The following DACH1 variants were observed in gnomAD, a reference collection of about 807,000 sequenced individuals.
The protein encoded by DACH1 is dachshund homolog 1.
Under a neutral mutation model 54.2 loss-of-function variants are expected in DACH1, and 12 were observed. The ratio of observed to expected loss-of-function variants is 0.22; its 90% confidence interval spans 0.14 to 0.36. DACH1 has a LOEUF of 0.36. Ranked by LOEUF, DACH1 falls within the 10% of genes least tolerant of loss-of-function variation. DACH1 has a pLI of 1.00. For missense variants in DACH1, 805 were observed against 929.8 expected, an observed-to-expected ratio of 0.87 and a Z score of 1.75; for synonymous variants, 386 against 366.2, an observed-to-expected ratio of 1.05 and a Z score of -0.62.
chr13:71,459,506 CT>C (rs560788291), intron 10 of DACH1, among the ~76,000 whole-genome samples: 2 of 151,846 alleles, frequency 1.3e-5, no homozygotes, highest in African/African-American at 4.8e-5. Flanking sequence ...ACATCCAGAA[CT>C]TTTTTTATGG....
chr13:71,862,000 T>A (rs1328337630), intron 1 of DACH1, among the ~76,000 whole-genome samples: 1 of 150,936 alleles, frequency 6.6e-6, no homozygotes, highest in Non-Finnish European at 1.5e-5. Flanking sequence ...TACTGAAACA[T>A]AAAACACTTT....
At chr13:71,785,703 T>A (rs1006545486) in intron 1 of DACH1, among the ~76,000 whole-genome samples, 3 of 152,218 alleles carry the variant, frequency 2.0e-5, no homozygotes, top group Non-Finnish European at 4.4e-5. Context: ...GAGCATATGG[T>A]CAGAGCTAAA....
chr13:71,866,417 C>T lies in DACH1; in HGVS notation c.353G>A (p.Gly118Asp), dbSNP rs1593668277. The change falls in exon 1 of 11, where the codon GGC becomes GAC. Residue 118 changes from glycine to aspartate, a missense_variant. Gly to Asp is a moderately conservative substitution (Grantham distance 94). Transcript: ENST00000613252. ...GCCGCCAGCGCTGATGCCGCCGCCG[C>T]CGCCGCCGCTGCCGTTGCTCGCGGC... ...LAAASNGSGG[G>D]GGGISAGGGV... The T allele has an allele frequency of 7.0e-7, 1 of 1,429,304 alleles. No homozygotes were observed. The highest frequency in any genetic ancestry group is 9.2e-7 in the Non-Finnish European group (1 of 1,086,082). The allele number at this position is 1,429,304 out of a possible 1,614,324, so 88.5% of individuals were successfully genotyped here. A position where few individuals can be genotyped will look rare whatever the true frequency, so the allele number is the denominator to read the frequency against.
intron 10 of DACH1, among the ~76,000 whole-genome samples, chr13:71,459,318 T>C (rs1430047265): frequency 6.6e-6 from 1 of 151,962 alleles, no homozygotes; most frequent in Non-Finnish European, 1.5e-5. Flanking sequence ...GATAGCAGTC[T>C]GGAAGCCATA....
At chr13:71,641,466 C>T (rs1877893521) in intron 2 of DACH1, among the ~76,000 whole-genome samples, 1 of 152,098 alleles carries the variant, frequency 6.6e-6, no homozygotes, top group Non-Finnish European at 1.5e-5. Flanking sequence ...TAAGCTCCAT[C>T]ATCAACCTAC....
intron 1 of DACH1, among the ~76,000 whole-genome samples, chr13:71,819,668 G>A (rs1282431974): frequency 6.6e-6 from 1 of 152,088 alleles, no homozygotes; most frequent in Non-Finnish European, 1.5e-5. Flanking sequence ...CAGAAAAAGA[G>A]CAAATTGAAG....
At chr13:71,481,238 A>C (rs1416183073) in intron 7 of DACH1, among the ~76,000 whole-genome samples, 4 of 152,232 alleles carry the variant, frequency 2.6e-5, no homozygotes, top group Non-Finnish European at 5.9e-5. Flanking sequence ...GCAAGATGCC[A>C]ATGTTGGCAC....
chr13:71,641,172 C>T (rs1265473137), intron 2 of DACH1, among the ~76,000 whole-genome samples: 1 of 151,922 alleles, frequency 6.6e-6, no homozygotes, highest in Non-Finnish European at 1.5e-5. Flanking sequence ...TCTTCTGATA[C>T]AGTAAATAAA....
intron 9 of DACH1, 110 bp downstream of exon 9, chr13:71,475,596 C>A: frequency 7.7e-7 from 1 of 1,295,782 alleles, no homozygotes; most frequent in Non-Finnish European, 1.0e-6. Context: ...TCAAGTATAG[C>A]TGAATGAATC....
At chr13:71,505,160 G>T (rs1880212971) in intron 6 of DACH1, among the ~76,000 whole-genome samples, 1 of 152,000 alleles carries the variant, frequency 6.6e-6, no homozygotes, top group African/African-American at 2.4e-5. Flanking sequence ...TCGGTTCACT[G>T]CAACGTCCGG....
intron 1 of DACH1, among the ~76,000 whole-genome samples, chr13:71,770,768 T>G (rs1052028407): frequency 6.6e-6 from 1 of 151,612 alleles, no homozygotes; most frequent in Non-Finnish European, 1.5e-5. Context: ...GTAAATTCCA[T>G]GTAAGCATTA....
In DACH1 at chr13:71,793,016, C is replaced by G. The variant is rs564249383; in HGVS notation, c.848+72906G>C. On this transcript the variant is annotated intron_variant, in intron 1 of 10. Coordinates refer to ENST00000613252, the MANE Select transcript of DACH1 (RefSeq NM_080759.6). Reference sequence around the variant, plus strand: ...GAGCAGCTTTTAACCTGTGTGGTAGCCTCTTTCAATTCAACTAAATTCACT... The same window carrying G: ...GAGCAGCTTTTAACCTGTGTGGTAGGCTCTTTCAATTCAACTAAATTCACT... Among the ~76,000 whole-genome samples, 6 of 152,184 alleles carry G rather than the reference C, an allele frequency of 3.9e-5. No homozygotes were observed. The South Asian group carries it at 1.0e-3, about 26-fold the overall frequency.
intron 1 of DACH1, among the ~76,000 whole-genome samples, chr13:71,716,617 C>T (rs1303006516): frequency 1.3e-5 from 2 of 152,072 alleles, no homozygotes; most frequent in Non-Finnish European, 2.9e-5. Context: ...TCTATTGTAT[C>T]ATGGAATACC....
At chr13:71,538,667 T>A (rs925484507) in intron 6 of DACH1, among the ~76,000 whole-genome samples, 1 of 151,916 alleles carries the variant, frequency 6.6e-6, no homozygotes, top group African/African-American at 2.4e-5. Flanking sequence ...ACTACCAGAG[T>A]TTCTGGATAT....
intron 2 of DACH1, among the ~76,000 whole-genome samples, chr13:71,680,810 C>T (rs1000080098): frequency 6.6e-6 from 1 of 152,000 alleles, no homozygotes; most frequent in Non-Finnish European, 1.5e-5. Flanking sequence ...AAGAAACTTC[C>T]ACCCAATTAT....
intron 10 of DACH1, among the ~76,000 whole-genome samples, chr13:71,470,311 T>A (rs1876958687): frequency 1.9e-5 from 1 of 52,168 alleles, no homozygotes; most frequent in Non-Finnish European, 4.9e-5. Flanking sequence ...TTTCTGTTTT[T>A]TCTTTTTTTT....
At chr13:71,798,037 C>T (rs923621383) in intron 1 of DACH1, among the ~76,000 whole-genome samples, 2 of 151,916 alleles carry the variant, frequency 1.3e-5, no homozygotes, top group African/African-American at 2.4e-5. Flanking sequence ...TGAAATGTAA[C>T]CGTTTAAGGG....
At chr13:71,524,029 T>C (rs1308705519) in intron 6 of DACH1, among the ~76,000 whole-genome samples, 1 of 152,176 alleles carries the variant, frequency 6.6e-6, no homozygotes, top group Non-Finnish European at 1.5e-5. Flanking sequence ...AAAATGTTCG[T>C]ATTTACTTCA....
chr13:71,622,578 T>G (rs1469599085), intron 3 of DACH1, among the ~76,000 whole-genome samples: 2 of 151,914 alleles, frequency 1.3e-5, no homozygotes, highest in Non-Finnish European at 1.5e-5. Flanking sequence ...TGGTTTCTTT[T>G]TACTTTCTTT....
Sources: gnomAD v4.1 joint callset for allele counts (sites outside exome capture counted in the v4.1 genomes callset) on GRCh38, gnomAD v4.1.1 for gene constraint, MANE v1.5 for transcripts, NCBI Gene and HGNC (gene_info 2026-07-23, HGNC 2026-07-21) for gene names.